Variants in SORT1 observed in about 807,000 individuals in gnomAD.
The protein encoded by SORT1 is sortilin 1, also known as sortilin.
In SORT1, 39 loss-of-function variants were observed where a neutral mutation model predicts 101.7. That is an observed-to-expected ratio of 0.38 (90% CI 0.30 to 0.50). The LOEUF (loss-of-function observed/expected upper bound fraction) is 0.50. Among genes scored for constraint, SORT1 ranks in the 20% least tolerant of loss-of-function variants. The pLI is 0.90. For missense variants in SORT1, 878 were observed against 1,040.4 expected (o/e 0.84, Z 2.15); for synonymous variants, 396 against 393.7 (o/e 1.01, Z -0.07).
intron 15 of SORT1, among the ~76,000 whole-genome samples, chr1:109,319,789 C>T (rs1474108144): frequency 6.6e-6 from 1 of 152,144 alleles, no homozygotes; most frequent in Admixed American, 6.5e-5. Flanking sequence ...ATCGCTTGAA[C>T]CCGGGAGGTG....
chr1:109,376,703 G>A (rs1288052448), intron 1 of SORT1, among the ~76,000 whole-genome samples: 1 of 152,128 alleles, frequency 6.6e-6, no homozygotes, highest in Non-Finnish European at 1.5e-5. Context: ...GGGTACTCAT[G>A]GACATAAAGA....
In SORT1 at chr1:109,313,361, G is replaced by A. The variant is rs1658837251; in HGVS notation, c.*682C>T. On this transcript the variant is annotated 3_prime_UTR_variant, in exon 20 of 20. Coordinates refer to ENST00000256637, the MANE Select transcript of SORT1 (RefSeq NM_002959.7). ...GCCCTGTAAGTTTTCCTGATGTACT[G>A]TGTGGGAAGCACATGGTTAAGTTAG... 6.5e-6 allele frequency: 1 copy of A among 152,750 alleles called. No homozygotes were observed. Among genetic ancestry groups the A allele is most frequent in the Non-Finnish European group, 1.5e-5 (1 of 68,182 alleles). The allele number at this position is 152,750 out of a possible 1,614,324, so 9.5% of individuals were successfully genotyped here.
chr1:109,314,836 G>A, intron 17 of SORT1, 58 bp from the exon 18 acceptor site: 2 of 901,206 alleles, frequency 2.2e-6, no homozygotes, highest in East Asian at 2.6e-5. Context: ...TAGGACTGAG[G>A]TCAAGGCAGC....
Position 109,369,512 on chromosome 1 carries a change from A to T in SORT1, c.366+18T>A. On this transcript the variant is annotated intron_variant, in intron 2 of 19. Coordinates refer to ENST00000256637, the MANE Select transcript of SORT1 (RefSeq NM_002959.7). ...TCTTCTTGCTGGGCTGAAATAACAG[A>T]CTCAAAATATGACTTACCCCAGTGC... 6.5e-7 allele frequency: 1 copy of T among 1,530,570 alleles called. No homozygotes were observed. Among genetic ancestry groups the T allele is most frequent in the South Asian group, 1.1e-5 (1 of 89,356 alleles). 94.8% of individuals were successfully genotyped at this position (1,530,570 alleles called of 1,614,324 possible).
intron 13 of SORT1, among the ~76,000 whole-genome samples, chr1:109,326,549 ACAT>A: frequency 6.8e-6 from 1 of 146,608 alleles, no homozygotes; most frequent in Admixed American, 6.8e-5. Context: ...ATATATATAC[ACAT>A]ATATATACAC....
chr1:109,351,098 G>C, intron 5 of SORT1, 96 bp from the exon 6 acceptor site: 1 of 864,642 alleles, frequency 1.2e-6, no homozygotes, highest in Non-Finnish European at 2.0e-6. Context: ...TTCAGGACAG[G>C]AAAAACACAT....
chr1:109,329,414 C>T (rs563569078), intron 11 of SORT1, among the ~76,000 whole-genome samples: 56 of 152,174 alleles, frequency 3.7e-4, no homozygotes, highest in African/African-American at 1.1e-3. Flanking sequence ...CCACCACACC[C>T]GGCTAATTTT....
intron 1 of SORT1, among the ~76,000 whole-genome samples, chr1:109,396,257 G>A (rs908804142): frequency 6.6e-5 from 10 of 152,130 alleles, no homozygotes; most frequent in Admixed American, 1.3e-4. Context: ...GTCAACCAGC[G>A]AGAGAAGAAT....
At chr1:109,333,694 A>G (rs1424783110) in intron 11 of SORT1, among the ~76,000 whole-genome samples, 1 of 152,252 alleles carries the variant, frequency 6.6e-6, no homozygotes, top group Non-Finnish European at 1.5e-5. Context: ...AAAAACCACA[A>G]TGAGATATTA....
Position 109,324,946 on chromosome 1 carries a change from T to C in SORT1, c.1787A>G (p.Gln596Arg). 6.2e-7 allele frequency: 1 copy of C among 1,613,844 alleles called. No homozygotes were observed. Among genetic ancestry groups the C allele is most frequent in the Non-Finnish European group, 8.5e-7 (1 of 1,179,738 alleles). The change falls in exon 14 of 20, where the codon CAG (glutamine) becomes CGG (arginine). Residue 596 changes from glutamine (Q) to arginine (R), a missense_variant. Transcript: ENST00000256637. ...AAAATCAATGGTGTAGGAGACCCAC[T>C]GGCTGGTCAGGAAAGATTCTGTGAA... ...WGFTESFLTS[Q>R]WVSYTIDFKD...
intron 10 of SORT1, 91 bp from the exon 11 acceptor site, chr1:109,336,437 G>A (rs923086044): frequency 2.1e-5 from 17 of 818,266 alleles, no homozygotes; most frequent in Non-Finnish European, 3.6e-5. Flanking sequence ...TCCTGAGACC[G>A]TATAGCACCT....
At chr1:109,338,851 C>T (rs1196074497) in intron 10 of SORT1, among the ~76,000 whole-genome samples, 1 of 152,016 alleles carries the variant, frequency 6.6e-6, no homozygotes, top group African/African-American at 2.4e-5. Flanking sequence ...TCACCACCAC[C>T]ACCAGGCCAA....
chr1:109,373,898 A>T (rs1172367285), intron 1 of SORT1, among the ~76,000 whole-genome samples: 2 of 152,032 alleles, frequency 1.3e-5, no homozygotes, highest in Non-Finnish European at 2.9e-5. Flanking sequence ...AGCCTGGGCA[A>T]TGTAGCAAGA....
At chr1:109,369,734 G>T in intron 1 of SORT1, 145 bp from the exon 2 acceptor site, 1 of 635,708 alleles carries the variant, frequency 1.6e-6, no homozygotes, top group South Asian at 1.9e-5. Context: ...ACAAAATTTG[G>T]GAGGGATGGG....
chr1:109,373,944 C>G (rs546760182), intron 1 of SORT1, among the ~76,000 whole-genome samples: 1 of 152,072 alleles, frequency 6.6e-6, no homozygotes, highest in East Asian at 1.9e-4. Flanking sequence ...AAAAAATCAG[C>G]TAGGCATGGT....
rs112644374 is a variant in SORT1, at chr1:109,345,514, C to CA, written c.963+236dup. On this transcript the variant is annotated intron_variant, in intron 8 of 19. Transcript: ENST00000256637. ...TAGGCAACAGAGAGAGACTTTGTTT[C>CA]AAAAAAAAAAAAAATCCCAAAAAAG... Among the ~76,000 whole-genome samples the CA allele has an allele frequency of 6.8e-3, 877 of 129,136 alleles. 4 individuals are homozygous for CA. The highest frequency in any genetic ancestry group is 0.018 in the African/African-American group (646 of 34,958). The allele number at this position is 129,136 out of a possible 152,430, so 84.7% of individuals were successfully genotyped here. A position where few individuals can be genotyped will look rare whatever the true frequency, so the allele number is the denominator to read the frequency against.
intron 3 of SORT1, among the ~76,000 whole-genome samples, chr1:109,363,436 CAT>C (rs981826904): frequency 5.9e-5 from 9 of 152,198 alleles, no homozygotes; most frequent in African/African-American, 1.7e-4. Flanking sequence ...GGAAAATATG[CAT>C]ATGTGTGTGT....
At chr1:109,362,169 T>C (rs1360162498) in intron 3 of SORT1, among the ~76,000 whole-genome samples, 1 of 152,148 alleles carries the variant, frequency 6.6e-6, no homozygotes, top group Non-Finnish European at 1.5e-5. Context: ...ATAATACACA[T>C]TAAATAAGGT....
At chr1:109,314,601 C>T (rs1203021301) in intron 18 of SORT1, 71 bp downstream of exon 18, 2 of 1,203,952 alleles carry the variant, frequency 1.7e-6, no homozygotes, top group Non-Finnish European at 2.4e-6. Flanking sequence ...CAAGAGTAGA[C>T]TCAGCCATAT....
Sources: gnomAD v4.1 joint callset for allele counts (sites outside exome capture counted in the v4.1 genomes callset) on GRCh38, gnomAD v4.1.1 for gene constraint, MANE v1.5 for transcripts, NCBI Gene and HGNC (gene_info 2026-07-23, HGNC 2026-07-21) for gene names.